Variants in CLASP2 observed in about 807,000 individuals in gnomAD.
CLASP2 encodes the protein cytoplasmic linker associated protein 2.
CLASP2 carries 47 observed loss-of-function variants against 194.4 expected under a neutral mutation model. The observed-to-expected ratio is 0.24, with a 90% CI of 0.19 to 0.31. CLASP2 has a LOEUF of 0.31. Ranked by LOEUF, CLASP2 falls within the 10% of genes least tolerant of loss-of-function variation. CLASP2 has a pLI of 1.00. For missense variants in CLASP2, 1,445 were observed against 1,823.6 expected (o/e 0.79, Z 3.78); for synonymous variants, 619 against 633.5 (o/e 0.98, Z 0.34).
At chr3:33,599,694 C>T (rs1351103236) in intron 18 of CLASP2, among the ~76,000 whole-genome samples, 1 of 151,980 alleles carries the variant, frequency 6.6e-6, no homozygotes, top group South Asian at 2.1e-4. Flanking sequence ...ATAAGTGAGG[C>T]TCAAAGTAGA....
rs538886947 is a variant in CLASP2 at position 33,625,897 on chromosome 3, TA to T, written c.1035+1090del. ...CAATAAGCCTGTGTCATTTTTCTAATAAAAAAAAAATCAAAAGACCATCTGT... is the reference window on the plus strand; with the variant it reads ...CAATAAGCCTGTGTCATTTTTCTAATAAAAAAAAATCAAAAGACCATCTGT... On this transcript the variant is annotated intron_variant, in intron 10 of 38. Transcript: ENST00000682230. 3.4e-3 allele frequency among the ~76,000 whole-genome samples: 507 copies of T among 148,806 alleles called. 1 individual carries two copies. The highest frequency in any genetic ancestry group is 5.0e-3 in the Non-Finnish European group (334 of 66,940).
At position 33,573,289 on chromosome 3, in the gene CLASP2, A is replaced by G. The variant is rs2154195514; in HGVS notation, c.2520T>C (p.Asp840=). Reference sequence around the variant, plus strand: ...AGCGTTCTGAACAAGCACTAGATGCATCGCTGTTGGCGTCATCATCTGAAT... The same window carrying G: ...AGCGTTCTGAACAAGCACTAGATGCGTCGCTGTTGGCGTCATCATCTGAAT... ...GMHSDDDANS[D]ASSACSERSY... is the part of the protein sequence containing the mutation. The change falls in exon 25 of 39, where the codon GAT becomes GAC. Residue 840 remains aspartate (D), a synonymous_variant. Coordinates refer to ENST00000682230, the MANE Select transcript of CLASP2 (RefSeq NM_001365631.1). 4 of 1,613,934 alleles carry G rather than the reference A, an allele frequency of 2.5e-6. No homozygotes were observed. The highest frequency in any genetic ancestry group is 1.1e-5 in the South Asian group (1 of 91,080).
intron 6 of CLASP2, among the ~76,000 whole-genome samples, chr3:33,664,392 G>A (rs1348908358): frequency 6.6e-6 from 1 of 152,050 alleles, no homozygotes; most frequent in East Asian, 1.9e-4. Flanking sequence ...ATTGCCTTTA[G>A]TTGCCAAATG....
chr3:33,565,901 A>C (rs2062650381), intron 27 of CLASP2, among the ~76,000 whole-genome samples: 1 of 152,012 alleles, frequency 6.6e-6, no homozygotes, highest in Non-Finnish European at 1.5e-5. Flanking sequence ...TTTCTGGTCA[A>C]CACTAGGCTA....
At position 33,581,882 on chromosome 3, in the gene CLASP2, G is replaced by A. The variant is rs1335365294; in HGVS notation, c.2286C>T (p.Ser762=). The A allele has an allele frequency of 6.2e-7, 1 of 1,613,746 alleles. No homozygotes were observed. The highest frequency in any genetic ancestry group is 8.5e-7 in the Non-Finnish European group (1 of 1,179,786). The part of the protein sequence containing the change: ...IPRPSVSQGC[S]REASRESSRD... ...TGCTGCTCTCCCGACTAGCTTCCCGGCTGCATCCTTGACTCACACTTGGTC... is the reference window on the plus strand; with the variant it reads ...TGCTGCTCTCCCGACTAGCTTCCCGACTGCATCCTTGACTCACACTTGGTC... Residue 762 remains serine (S), a synonymous_variant, in exon 23 of 39, where the codon AGC becomes AGT. Coordinates refer to ENST00000682230, the MANE Select transcript of CLASP2 (RefSeq NM_001365631.1).
Position 33,534,600 on chromosome 3 carries a change from G to A in CLASP2, c.3787+633C>T, listed in dbSNP as rs570623131. On this transcript the variant is annotated intron_variant, in intron 34 of 38. Coordinates refer to ENST00000682230, the MANE Select transcript of CLASP2 (RefSeq NM_001365631.1). Reference sequence around the variant, plus strand: ...AACACTAAAACATTTGTAGTGTTTTGTACTATATCATCAGTTTTTATACAA... The same window carrying A: ...AACACTAAAACATTTGTAGTGTTTTATACTATATCATCAGTTTTTATACAA... Among the ~76,000 whole-genome samples, 29 of 152,174 alleles carry A rather than the reference G, an allele frequency of 1.9e-4. No homozygotes were observed. In the East Asian group the frequency reaches 5.2e-3, roughly 27 times the overall value.
intron 33 of CLASP2, among the ~76,000 whole-genome samples, chr3:33,535,810 A>T (rs761318469): frequency 6.6e-6 from 1 of 152,134 alleles, no homozygotes; most frequent in Admixed American, 6.5e-5. Flanking sequence ...AACTTTCATA[A>T]GCAATACAGT....
intron 18 of CLASP2, among the ~76,000 whole-genome samples, chr3:33,600,283 G>T (rs556672098): frequency 6.6e-6 from 1 of 152,038 alleles, no homozygotes; most frequent in East Asian, 1.9e-4. Flanking sequence ...GGACATTCTC[G>T]TCTTGTTACT....
At chr3:33,593,546 TA>T (rs1441765101) in intron 20 of CLASP2, among the ~76,000 whole-genome samples, 1 of 151,248 alleles carries the variant, frequency 6.6e-6, no homozygotes, top group African/African-American at 2.4e-5. Flanking sequence ...GATAAGAGAG[TA>T]ATAAGAACTA....
chr3:33,496,648 C>T lies in CLASP2; in HGVS notation c.*1983G>A, dbSNP rs968142810. ...CAGTTAGTTACTGTTCAGCTTAAGTCACTCTACTTGGTTGTCAACAGTAGT... is the reference window on the plus strand; with the variant it reads ...CAGTTAGTTACTGTTCAGCTTAAGTTACTCTACTTGGTTGTCAACAGTAGT... On this transcript the variant is annotated 3_prime_UTR_variant, in exon 39 of 39. Transcript: ENST00000682230. 1.3e-5 allele frequency: 2 copies of T among 152,150 alleles called. No individual in the cohort carries two copies. Among genetic ancestry groups the T allele is most frequent in the Non-Finnish European group, 2.9e-5 (2 of 68,018 alleles). The allele number at this position is 152,150 out of a possible 1,614,324, so 9.4% of individuals were successfully genotyped here.
At chr3:33,612,809 T>A (rs1016111093) in intron 12 of CLASP2, among the ~76,000 whole-genome samples, 1 of 152,064 alleles carries the variant, frequency 6.6e-6, no homozygotes, top group African/African-American at 2.4e-5. Flanking sequence ...AAATATCACA[T>A]GTTCTCACTC....
chr3:33,660,318 A>C (rs2085087724), intron 7 of CLASP2, among the ~76,000 whole-genome samples: 1 of 152,172 alleles, frequency 6.6e-6, no homozygotes, highest in South Asian at 2.1e-4. Context: ...GACAGATTTT[A>C]AATCCAGTTT....
chr3:33,713,012 C>CAAAAAAAAAAAAAAAAAAAAAA (rs57940200), intron 1 of CLASP2, among the ~76,000 whole-genome samples: 85 of 47,008 alleles, frequency 1.8e-3, no homozygotes, highest in Non-Finnish European at 2.7e-3. Context: ...AACTCCACCT[C>CAAAAAAAAAAAAAAAAAAAAAA]AAAAAAAAAA....
At chr3:33,593,559 GA>G (rs1415011008) in intron 20 of CLASP2, among the ~76,000 whole-genome samples, 17 of 151,996 alleles carry the variant, frequency 1.1e-4, no homozygotes, top group Admixed American at 6.6e-5. Context: ...TAAGAACTAG[GA>G]ATAAAACAGA....
intron 6 of CLASP2, among the ~76,000 whole-genome samples, chr3:33,667,238 C>T (rs1395088792): frequency 2.0e-5 from 3 of 151,544 alleles, no homozygotes; most frequent in Admixed American, 1.3e-4. Context: ...ATGGTGAAAC[C>T]CCATCTGTAC....
intron 1 of CLASP2, among the ~76,000 whole-genome samples, chr3:33,700,709 G>A (rs1448341979): frequency 2.6e-5 from 4 of 152,098 alleles, no homozygotes; most frequent in Non-Finnish European, 4.4e-5. Flanking sequence ...AATTAGCCAG[G>A]TGTGGTGGTG....
chr3:33,515,068 G>C lies in CLASP2; in HGVS notation c.4110+955C>G, dbSNP rs112263871. 7.2e-5 allele frequency among the ~76,000 whole-genome samples: 11 copies of C among 152,242 alleles called. 1 individual carries two copies. The highest frequency in any genetic ancestry group is 2.2e-4 in the African/African-American group (9 of 41,542). On this transcript the variant is annotated intron_variant, in intron 36 of 38. Coordinates refer to ENST00000682230, the MANE Select transcript of CLASP2 (RefSeq NM_001365631.1). ...GATACAATGGACTTTGGGGACTTGG[G>C]GGAAAGAGTGGGTGTGGGGTGAGGG...
intron 7 of CLASP2, among the ~76,000 whole-genome samples, chr3:33,662,931 TC>T (rs1408925033): frequency 1.3e-5 from 2 of 152,004 alleles, no homozygotes; most frequent in African/African-American, 4.8e-5. Context: ...CTCCCTGAAT[TC>T]CAACTTGGTC....
chr3:33,695,025 G>C (rs2091726158), intron 2 of CLASP2, among the ~76,000 whole-genome samples: 1 of 149,508 alleles, frequency 6.7e-6, no homozygotes, highest in Non-Finnish European at 1.5e-5. Context: ...ACATAAACAA[G>C]TAAAATACTT....
Sources: gnomAD v4.1 joint callset for allele counts (sites outside exome capture counted in the v4.1 genomes callset) on GRCh38, gnomAD v4.1.1 for gene constraint, MANE v1.5 for transcripts, NCBI Gene and HGNC (gene_info 2026-07-23, HGNC 2026-07-21) for gene names.